Variants in MAP2 observed in about 807,000 individuals in gnomAD.
MAP2 encodes microtubule-associated protein 2.
A neutral mutation model predicts 137.6 loss-of-function variants in MAP2; 14 were observed. That is an observed-to-expected ratio of 0.10 (90% CI 0.07 to 0.16). MAP2 has a LOEUF of 0.16. Ranked by LOEUF, MAP2 falls within the 10% of genes least tolerant of loss-of-function variation. The pLI is 1.00. For missense variants in MAP2, 2,088 were observed against 2,191.5 expected (o/e 0.95, Z 0.94); for synonymous variants, 786 against 782.3 (o/e 1.00, Z -0.08).
At chr2:209,443,088 A>G (rs985961769) in intron 1 of MAP2, among the ~76,000 whole-genome samples, 3 of 151,770 alleles carry the variant, frequency 2.0e-5, no homozygotes, top group Non-Finnish European at 4.4e-5. Context: ...ATATAAAACC[A>G]TGCAAATCTG....
chr2:209,728,804 A>G (rs1303641871), intron 14 of MAP2, among the ~76,000 whole-genome samples: 1 of 152,228 alleles, frequency 6.6e-6, no homozygotes, highest in Non-Finnish European at 1.5e-5. Flanking sequence ...GCTTTGAAAT[A>G]TGTAGTCTGT....
intron 2 of MAP2, among the ~76,000 whole-genome samples, chr2:209,552,458 TAAGC>T (rs934640945): frequency 2.0e-5 from 3 of 152,164 alleles, no homozygotes; most frequent in Non-Finnish European, 4.4e-5. Context: ...TAGAATGAAA[TAAGC>T]AATTCAATCT....
rs112861196 is a variant in MAP2 at position 209,733,460 on chromosome 2, CCACACACACACACACA to C, written c.*3081_*3096del. ...AATGTACTGATTGTAGTGACCTTCT[CCACACACACACACACA>C]CACACACACACACACACCTACAGTA... On this transcript the variant is annotated 3_prime_UTR_variant, in exon 16 of 16. Transcript: ENST00000682079. 29 of 148,112 alleles carry C rather than the reference CCACACACACACACACA, an allele frequency of 2.0e-4. No individual in the cohort carries two copies. Among genetic ancestry groups the C allele is most frequent in the Non-Finnish European group, 3.6e-4 (24 of 66,812 alleles). The allele number at this position is 148,112 out of a possible 1,614,324, so 9.2% of individuals were successfully genotyped here. A position where few individuals can be genotyped will look rare whatever the true frequency, so the allele number is the denominator to read the frequency against.
Position 209,710,271 on chromosome 2 carries a change from C to T in MAP2, c.5073+17C>T, listed in dbSNP as rs1485344437. 2.0e-6 allele frequency: 3 copies of T among 1,530,592 alleles called. No individual in the cohort carries two copies. The highest frequency in any genetic ancestry group is 1.8e-6 in the Non-Finnish European group (2 of 1,127,866). 94.8% of individuals were successfully genotyped at this position (1,530,592 alleles called of 1,614,324 possible). A position where few individuals can be genotyped will look rare whatever the true frequency, so the allele number is the denominator to read the frequency against. On this transcript the variant is annotated intron_variant, in intron 13 of 15. Transcript: ENST00000682079. ...GGGGGGCAGGTAAGAATTGCATGAA[C>T]ACATATTTGCTGCCAGAAATAATTA...
At chr2:209,544,517 A>G (rs995428481) in intron 2 of MAP2, among the ~76,000 whole-genome samples, 1 of 152,186 alleles carries the variant, frequency 6.6e-6, no homozygotes, top group Admixed American at 6.5e-5. Context: ...TCATTTCATC[A>G]TAGCTCTCGT....
intron 10 of MAP2, 88 bp from the exon 11 acceptor site, chr2:209,700,189 A>T: frequency 9.6e-7 from 1 of 1,044,308 alleles, no homozygotes; most frequent in Non-Finnish European, 1.5e-6. Flanking sequence ...GTCTGTTGAC[A>T]CAACAGAATA....
chr2:209,464,663 A>G (rs1703690443), intron 1 of MAP2, among the ~76,000 whole-genome samples: 1 of 152,094 alleles, frequency 6.6e-6, no homozygotes, highest in South Asian at 2.1e-4. Flanking sequence ...CACATTAATA[A>G]TAAAATTGCT....
Position 209,557,156 on chromosome 2 carries a change from T to C in MAP2, c.-171-22880T>C, listed in dbSNP as rs1450997107. Among the ~76,000 whole-genome samples, 3 of 152,344 alleles carry C rather than the reference T, an allele frequency of 2.0e-5. No individual in the cohort carries two copies. In the South Asian group the frequency reaches 6.2e-4, roughly 32 times the overall value. On this transcript the variant is annotated intron_variant, in intron 2 of 15. Transcript: ENST00000682079. ...TCTCACATTCACTGTTAATTCAAAA[T>C]ACACTGAATAAAATACTATTCAGGT...
chr2:209,442,691 T>C (rs1302715057), intron 1 of MAP2, among the ~76,000 whole-genome samples: 1 of 151,626 alleles, frequency 6.6e-6, no homozygotes, highest in Non-Finnish European at 1.5e-5. Flanking sequence ...CAGGCTCATA[T>C]ATCCAACTGC....
intron 1 of MAP2, among the ~76,000 whole-genome samples, chr2:209,428,748 A>C (rs1054094592): frequency 6.6e-6 from 1 of 151,704 alleles, no homozygotes; most frequent in Non-Finnish European, 1.5e-5. Flanking sequence ...TTCCTTGTAT[A>C]CCAATCTTTC....
rs144735107 is a variant in MAP2 at position 209,431,185 on chromosome 2, G to A, written c.-222+6909G>A. Among the ~76,000 whole-genome samples, 594 of 152,158 alleles carry A rather than the reference G, an allele frequency of 3.9e-3. 4 individuals are homozygous for A. Among genetic ancestry groups the A allele is most frequent in the African/African-American group, 0.014 (562 of 41,500 alleles). On this transcript the variant is annotated intron_variant, in intron 1 of 15. Coordinates refer to ENST00000682079, the MANE Select transcript of MAP2 (RefSeq NM_001375505.1). ...TTAGTCGCTTCCCAAATGGTATCAT[G>A]AGGGTATTAATAGGAATGCAAAGTT...
chr2:209,664,615 A>G (rs553901351), intron 5 of MAP2, among the ~76,000 whole-genome samples: 2 of 152,254 alleles, frequency 1.3e-5, no homozygotes, highest in African/African-American at 4.8e-5. Context: ...CACATAAACA[A>G]AATGGTCTAC....
intron 3 of MAP2, among the ~76,000 whole-genome samples, chr2:209,623,461 C>CA (rs1334067210): frequency 1.3e-5 from 2 of 151,976 alleles, no homozygotes; most frequent in Non-Finnish European, 2.9e-5. Context: ...AGATGAAGCA[C>CA]AAAAAACAAG....
At chr2:209,633,198 C>T (rs2093257698) in intron 4 of MAP2, among the ~76,000 whole-genome samples, 1 of 152,122 alleles carries the variant, frequency 6.6e-6, no homozygotes, top group Admixed American at 6.6e-5. Flanking sequence ...TCCGTTACTC[C>T]TGTCTAAATA....
chr2:209,662,746 A>C (rs990505399), intron 5 of MAP2, among the ~76,000 whole-genome samples: 3 of 152,068 alleles, frequency 2.0e-5, no homozygotes, highest in African/African-American at 7.2e-5. Flanking sequence ...TTCTAGACTC[A>C]TTTTTGGACT....
At chr2:209,541,658 A>G (rs886582722) in intron 2 of MAP2, among the ~76,000 whole-genome samples, 18 of 152,222 alleles carry the variant, frequency 1.2e-4, no homozygotes, top group Non-Finnish European at 1.6e-4. Flanking sequence ...GACAATGTTC[A>G]TAGCATCTTT....
At chr2:209,439,576 A>G (rs898235482) in intron 1 of MAP2, among the ~76,000 whole-genome samples, 12 of 151,492 alleles carry the variant, frequency 7.9e-5, no homozygotes, top group South Asian at 2.1e-4. Context: ...AATTAAAGCT[A>G]TCTTTTAGAG....
intron 7 of MAP2, among the ~76,000 whole-genome samples, chr2:209,686,878 C>A (rs2057199591): frequency 6.6e-6 from 1 of 152,066 alleles, no homozygotes; most frequent in African/African-American, 2.4e-5. Context: ...GAATCTGCAG[C>A]CGACTCTGCA....
At chr2:209,477,522 G>T (rs2149788480) in intron 1 of MAP2, among the ~76,000 whole-genome samples, 1 of 151,970 alleles carries the variant, frequency 6.6e-6, no homozygotes, top group Non-Finnish European at 1.5e-5. Flanking sequence ...TTTAGTGGAG[G>T]GCACAATAAA....
Sources: gnomAD v4.1 joint callset for allele counts (sites outside exome capture counted in the v4.1 genomes callset) on GRCh38, gnomAD v4.1.1 for gene constraint, MANE v1.5 for transcripts, NCBI Gene and HGNC (gene_info 2026-07-23, HGNC 2026-07-21) for gene names.